GPHN: variants seen among roughly 807,000 people sequenced by gnomAD.
The protein encoded by GPHN is gephyrin.
GPHN carries 17 observed loss-of-function variants against 95.5 expected under a neutral mutation model. The observed-to-expected ratio is 0.18, with a 90% CI of 0.12 to 0.27. The LOEUF (loss-of-function observed/expected upper bound fraction) is 0.27. Among genes scored for constraint, GPHN ranks in the 10% least tolerant of loss-of-function variants. The probability of loss-of-function intolerance (pLI) is 1.00; values close to 1 mark genes in which losing one functional copy is unlikely to be tolerated. For synonymous variants in GPHN, 320 were observed against 322.5 expected (o/e 0.99, Z 0.08); for missense variants, 660 against 978.1 (o/e 0.67, Z 4.34).
intron 2 of GPHN, among the ~76,000 whole-genome samples, chr14:66,762,741 T>C (rs539194782): frequency 5.6e-4 from 86 of 152,264 alleles, no homozygotes; most frequent in Non-Finnish European, 9.9e-4. Flanking sequence ...AATTCTCTTT[T>C]CTTCCCGAGT....
the GPHN span, among the ~76,000 whole-genome samples, chr14:67,703,153 G>T: frequency 6.6e-6 from 1 of 152,066 alleles, no homozygotes; most frequent in South Asian, 2.1e-4. Flanking sequence ...TTAGTCATGA[G>T]ATAGTAATAC....
chr14:67,130,457 T>C (rs896545475), intron 17 of GPHN, among the ~76,000 whole-genome samples: 4 of 152,224 alleles, frequency 2.6e-5, no homozygotes, highest in African/African-American at 9.6e-5. Context: ...TTTCATTCTT[T>C]TCTATAGCTG....
intron 1 of GPHN, among the ~76,000 whole-genome samples, chr14:66,604,545 T>G (rs1440771676): frequency 1.3e-5 from 2 of 152,164 alleles, no homozygotes; most frequent in East Asian, 3.8e-4. Context: ...TATAAACTTG[T>G]AAGTTCCTCT....
chr14:66,621,711 C>T lies in GPHN; in HGVS notation c.65-59396C>T, dbSNP rs368363868. Reference sequence around the variant, plus strand: ...TGCTGGGATTACAGGCGTGAGCCACCGCACCCAGCCGGCTGTGAAATCTTA... The same window carrying T: ...TGCTGGGATTACAGGCGTGAGCCACTGCACCCAGCCGGCTGTGAAATCTTA... On this transcript the variant is annotated intron_variant, in intron 1 of 22. Coordinates refer to ENST00000478722, the MANE Select transcript of GPHN (RefSeq NM_020806.5). 9.9e-5 allele frequency among the ~76,000 whole-genome samples: 15 copies of T among 152,174 alleles called. No homozygotes were observed. In the East Asian group the frequency reaches 1.4e-3, roughly 14 times the overall value.
chr14:67,613,769 A>C, the GPHN span: 109 of 205,934 alleles, frequency 5.3e-4, no homozygotes, highest in East Asian at 0.012. Context: ...TGCCAAACAG[A>C]GGTTCAGAAT....
chr14:67,366,328 T>A, the GPHN span, among the ~76,000 whole-genome samples: 3 of 152,190 alleles, frequency 2.0e-5, no homozygotes, highest in Admixed American at 6.5e-5. Context: ...TGCCTTGGCC[T>A]CACAAAGTAC....
At chr14:67,696,366 G>C in the GPHN span, among the ~76,000 whole-genome samples, 2 of 152,180 alleles carry the variant, frequency 1.3e-5, no homozygotes, top group Non-Finnish European at 2.9e-5. Flanking sequence ...GACAGGAGAG[G>C]AGCGGTCCGA....
At chr14:67,286,600 A>G in the GPHN span, among the ~76,000 whole-genome samples, 1 of 152,106 alleles carries the variant, frequency 6.6e-6, no homozygotes, top group Non-Finnish European at 1.5e-5. Context: ...TCATGCCTAT[A>G]ATCCTAGCAC....
At chr14:67,420,364 T>C in the GPHN span, among the ~76,000 whole-genome samples, 2 of 152,186 alleles carry the variant, frequency 1.3e-5, no homozygotes, top group African/African-American at 4.8e-5. Context: ...ACGCCAGCCC[T>C]AACAATATCC....
rs75389078 is a variant in GPHN at position 66,548,564 on chromosome 14, G to A, written c.64+39973G>A. ...ATATGTGAATTCTGACTCTTCCACC[G>A]ACGAGCAGTTTCCCCATCTCTCTCG... On this transcript the variant is annotated intron_variant, in intron 1 of 22. Coordinates refer to ENST00000478722, the MANE Select transcript of GPHN (RefSeq NM_020806.5). 8.0e-3 allele frequency among the ~76,000 whole-genome samples: 1,211 copies of A among 152,206 alleles called. 24 individuals carry two copies. The highest frequency in any genetic ancestry group is 0.028 in the African/African-American group (1,154 of 41,532).
chr14:67,619,776 T>A, the GPHN span: 1 of 542,896 alleles, frequency 1.8e-6, no homozygotes. Flanking sequence ...GTCCCAGCCT[T>A]GCAGAGCGGT....
the GPHN span, chr14:67,578,413 C>T: frequency 4.4e-4 from 370 of 835,460 alleles, 2 homozygotes; most frequent in Middle Eastern, 1.5e-3. This position sits in a 1 kb window ranked among gnomAD's most constrained non-coding sequence, Gnocchi z 5.0. Context: ...TCCCAGCACC[C>T]AGAGCAAGTT....
intron 17 of GPHN, among the ~76,000 whole-genome samples, chr14:67,138,224 A>G (rs982991662): frequency 6.6e-6 from 1 of 152,188 alleles, no homozygotes; most frequent in Admixed American, 6.5e-5. Flanking sequence ...TTCCTCACAG[A>G]GTTGTGAGAT....
chr14:67,650,503 G>T, the GPHN span: 5 of 578,084 alleles, frequency 8.6e-6, no homozygotes, highest in Non-Finnish European at 1.2e-5. Flanking sequence ...ATCTTAAAAG[G>T]TTTCTTTTAA....
rs1239597048 is a variant in GPHN at position 66,709,267 on chromosome 14, T to C, written c.143+28082T>C. On this transcript the variant is annotated intron_variant, in intron 2 of 22. Transcript: ENST00000478722. ...CATAAAATAGCACTATTAAACAGGA[T>C]TAGAACTCTGTATTAGATTGAAAGC... 8.8e-6 allele frequency: 4 copies of C among 452,022 alleles called. No homozygotes were observed. The East Asian group carries it at 2.8e-4, about 31-fold the overall frequency. The allele number at this position is 452,022 out of a possible 1,614,324, so 28.0% of individuals were successfully genotyped here.
rs573724591 is a variant in GPHN at position 66,709,176 on chromosome 14, C to G, written c.143+27991C>G. ...GTTTTTGTTAGGGCCTTTATTTGAA[C>G]AGTGTTCCTACAGCTTTCAATAACT... On this transcript the variant is annotated intron_variant, in intron 2 of 22. Coordinates refer to ENST00000478722, the MANE Select transcript of GPHN (RefSeq NM_020806.5). Among the ~76,000 whole-genome samples, 139 of 152,126 alleles carry G rather than the reference C, an allele frequency of 9.1e-4. 1 individual carries two copies. The highest frequency in any genetic ancestry group is 3.7e-4 in the Non-Finnish European group (25 of 68,030).
intron 2 of GPHN, among the ~76,000 whole-genome samples, chr14:66,770,723 C>T (rs188288850): frequency 2.0e-5 from 3 of 152,096 alleles, no homozygotes; most frequent in East Asian, 1.9e-4. Flanking sequence ...CACTTTCTGT[C>T]GTTTCAGTTA....
At chr14:67,519,172 G>A in the GPHN span, among the ~76,000 whole-genome samples, 1 of 152,150 alleles carries the variant, frequency 6.6e-6, no homozygotes, top group Admixed American at 6.5e-5. Context: ...AAGGAAAGGG[G>A]CATAAAGAGG....
At chr14:66,752,757 G>C (rs557964363) in intron 2 of GPHN, among the ~76,000 whole-genome samples, 1 of 152,068 alleles carries the variant, frequency 6.6e-6, no homozygotes, top group South Asian at 2.1e-4. Context: ...AGACTTCCTT[G>C]ACATGGGTTG....
Sources: gnomAD v4.1 joint callset for allele counts (sites outside exome capture counted in the v4.1 genomes callset) on GRCh38, gnomAD v4.1.1 for gene constraint, Gnocchi (gnomAD v3.1) non-coding constraint, MANE v1.5 for transcripts, NCBI Gene and HGNC (gene_info 2026-07-23, HGNC 2026-07-21) for gene names.